Variants in HHLA2 observed in about 807,000 individuals in gnomAD.
HHLA2 encodes HERV-H LTR-associating protein 2.
A neutral mutation model predicts 45.9 loss-of-function variants in HHLA2; 48 were observed. That is an observed-to-expected ratio of 1.05 (90% CI 0.83 to 1.33). HHLA2 has a LOEUF of 1.33. Ranked by LOEUF, HHLA2 falls within the 40% of genes most tolerant of loss-of-function variation. The pLI, the probability that HHLA2 is intolerant of heterozygous loss-of-function variation, is 0.00. For missense variants in HHLA2, 462 were observed against 494.3 expected (o/e 0.93, Z 0.62); for synonymous variants, 161 against 173.9 (o/e 0.93, Z 0.59).
Position 108,364,397 on chromosome 3 carries a change from T to C in HHLA2, c.1108+1951T>C, listed in dbSNP as rs1428573775. On this transcript the variant is annotated intron_variant, in intron 8 of 10. Coordinates refer to ENST00000619531, the Ensembl canonical transcript of HHLA2. ...TTTTCTTTATCCAGTCTATCCTTGA[T>C]GGGCATTTGGGTTGGTTCCAAGTCT... 3.3e-5 allele frequency among the ~76,000 whole-genome samples: 5 copies of C among 152,248 alleles called. No homozygotes were observed. In the East Asian group the frequency reaches 7.7e-4, roughly 23 times the overall value.
intron 1 of HHLA2, among the ~76,000 whole-genome samples, chr3:108,300,030 G>T (rs1049120657): frequency 3.9e-5 from 6 of 152,190 alleles, no homozygotes; most frequent in Admixed American, 1.3e-4. Context: ...TTTGGGGAAA[G>T]AATTGAGTTC....
intron 1 of HHLA2, among the ~76,000 whole-genome samples, chr3:108,303,453 C>T (rs560549619): frequency 1.4e-3 from 210 of 152,206 alleles, no homozygotes; most frequent in African/African-American, 4.7e-3. Context: ...AATTTTAGTC[C>T]ATATTTTGTT....
chr3:108,361,461 T>A (rs1378816135), intron 7 of HHLA2, among the ~76,000 whole-genome samples: 1 of 152,114 alleles, frequency 6.6e-6, no homozygotes, highest in Non-Finnish European at 1.5e-5. Flanking sequence ...TTATTTTATT[T>A]AAGAATGGCC....
At chr3:108,313,622 A>G (rs1309832169) in intron 2 of HHLA2, among the ~76,000 whole-genome samples, 7 of 152,182 alleles carry the variant, frequency 4.6e-5, no homozygotes, top group Non-Finnish European at 1.0e-4. Context: ...CTGCCCCTGT[A>G]GCTGCCGGTT....
At chr3:108,317,903 C>T (rs1018225092) in intron 2 of HHLA2, among the ~76,000 whole-genome samples, 3 of 151,858 alleles carry the variant, frequency 2.0e-5, no homozygotes, top group African/African-American at 4.8e-5. Flanking sequence ...AAAATATTGT[C>T]GGGCATGGTG....
intron 2 of HHLA2, among the ~76,000 whole-genome samples, chr3:108,323,205 T>C (rs2081234447): frequency 6.6e-6 from 1 of 152,104 alleles, no homozygotes; most frequent in Non-Finnish European, 1.5e-5. Flanking sequence ...GACCTACTAT[T>C]TGGTAACACA....
intron 8 of HHLA2, among the ~76,000 whole-genome samples, chr3:108,375,362 A>C: frequency 6.6e-6 from 1 of 151,656 alleles, no homozygotes; most frequent in Non-Finnish European, 1.5e-5. Flanking sequence ...TAGCATTAGG[A>C]GATATACCTA....
At chr3:108,310,895 A>G (rs568505790) in intron 2 of HHLA2, among the ~76,000 whole-genome samples, 154 bp downstream of exon 2, 1 of 152,306 alleles carries the variant, frequency 6.6e-6, no homozygotes, top group Non-Finnish European at 1.5e-5. Context: ...CAAAAATACT[A>G]TTTCTTGCAC....
intron 2 of HHLA2, among the ~76,000 whole-genome samples, chr3:108,313,901 G>T (rs755809537): frequency 3.9e-5 from 6 of 152,060 alleles, no homozygotes; most frequent in Non-Finnish European, 8.8e-5. Flanking sequence ...CATCTTTCAG[G>T]GTTATGATGA....
chr3:108,372,541 TG>T (rs2082196998), intron 8 of HHLA2, among the ~76,000 whole-genome samples: 1 of 151,010 alleles, frequency 6.6e-6, no homozygotes, highest in Non-Finnish European at 1.5e-5. Context: ...ATCCAGGAGC[TG>T]GTTTTTTGAA....
chr3:108,299,510 G>A (rs1025450306), intron 1 of HHLA2, among the ~76,000 whole-genome samples: 19 of 151,966 alleles, frequency 1.3e-4, no homozygotes, highest in South Asian at 1.0e-3. Context: ...GAAGAATTCC[G>A]TCAGAGTAGT....
At chr3:108,354,691 G>A (rs1456455759) in intron 5 of HHLA2, among the ~76,000 whole-genome samples, 1 of 151,962 alleles carries the variant, frequency 6.6e-6, no homozygotes, top group African/African-American at 2.4e-5. Flanking sequence ...CCTTTTAGCT[G>A]CTTCAGACCT....
At chr3:108,364,315 A>C (rs1460413496) in intron 8 of HHLA2, among the ~76,000 whole-genome samples, 1 of 152,240 alleles carries the variant, frequency 6.6e-6, no homozygotes, top group Admixed American at 6.5e-5. Context: ...CCTGCAAAGC[A>C]CATGAACTCA....
At chr3:108,352,257 G>A (rs1219297126) in intron 4 of HHLA2, among the ~76,000 whole-genome samples, 2 of 152,084 alleles carry the variant, frequency 1.3e-5, no homozygotes, top group Admixed American at 6.6e-5. Context: ...CATTAGAGGG[G>A]TTTAGCAGAG....
intron 3 of HHLA2, among the ~76,000 whole-genome samples, chr3:108,338,393 G>C (rs919039331): frequency 6.6e-6 from 1 of 152,066 alleles, no homozygotes; most frequent in Non-Finnish European, 1.5e-5. Context: ...TAGAATAGCA[G>C]GTTACTGGGG....
chr3:108,306,950 G>A (rs919325826), intron 1 of HHLA2, among the ~76,000 whole-genome samples: 1 of 152,012 alleles, frequency 6.6e-6, no homozygotes, highest in Non-Finnish European at 1.5e-5. Flanking sequence ...CCACCTCCCA[G>A]GTTCAAGCAA....
intron 7 of HHLA2, 95 bp from the exon 7 acceptor site, chr3:108,362,247 A>G (rs768924185): frequency 2.3e-5 from 19 of 838,834 alleles, no homozygotes; most frequent in Non-Finnish European, 3.4e-5. Context: ...AGTTTTTAAA[A>G]TAGTAAACAT....
chr3:108,345,666 A>T (rs1262041106), intron 3 of HHLA2, among the ~76,000 whole-genome samples: 1 of 152,210 alleles, frequency 6.6e-6, no homozygotes, highest in Non-Finnish European at 1.5e-5. Context: ...CAGCAGCTGC[A>T]GAATCCAGAC....
At chr3:108,359,941 T>A (rs2081960143) in intron 7 of HHLA2, among the ~76,000 whole-genome samples, 1 of 152,170 alleles carries the variant, frequency 6.6e-6, no homozygotes, top group African/African-American at 2.4e-5. Flanking sequence ...CACACTTCTA[T>A]GAATACAGGT....
Sources: allele counts gnomAD v4.1 joint callset (sites outside exome capture counted in the v4.1 genomes callset), GRCh38; gene constraint gnomAD v4.1.1; transcripts MANE v1.5; gene names NCBI Gene and HGNC (gene_info 2026-07-23, HGNC 2026-07-21).